Variants in HRH2 observed in about 807,000 individuals in gnomAD.
HRH2 encodes the protein histamine receptor H2.
In HRH2, 4 loss-of-function variants were observed where a neutral mutation model predicts 20.1. The ratio of observed to expected loss-of-function variants is 0.20; its 90% CI spans 0.10 to 0.45. HRH2 has a LOEUF of 0.45. Ranked by LOEUF, HRH2 falls within the 20% of genes least tolerant of loss-of-function variation. HRH2 has a pLI of 0.99. For missense variants in HRH2, 250 were observed against 461.6 expected (o/e 0.54, Z 4.20); for synonymous variants, 197 against 200.7 (o/e 0.98, Z 0.16).
chr5:175,692,809 G>A (rs1435044234), intron 2 of HRH2, among the ~76,000 whole-genome samples: 1 of 152,204 alleles, frequency 6.6e-6, no homozygotes, highest in Non-Finnish European at 1.5e-5. Context: ...ACAACGGAGA[G>A]AGCGTGCCAA....
In HRH2 at chr5:175,677,638, T is replaced by A. The variant is rs1422814509; in HGVS notation, c.-525-5071T>A. 6.6e-6 allele frequency among the ~76,000 whole-genome samples: 1 copy of A among 152,210 alleles called. No homozygotes were observed. The highest frequency in any genetic ancestry group is 2.4e-5 in the African/African-American group (1 of 41,458). ...CTCCCAGCCCATTTTGGGCTGCTCC[T>A]TGGGTGCTGATGCTGGGGCCACTTC... On this transcript the variant is annotated intron_variant, in intron 1 of 2. Coordinates refer to ENST00000636584, the MANE Select transcript of HRH2 (RefSeq NM_001367711.1). This position sits in a 1 kb window ranked among gnomAD's most constrained non-coding sequence, Gnocchi z 4.2.
At chr5:175,692,316 T>C (rs973018531) in intron 2 of HRH2, among the ~76,000 whole-genome samples, 1 of 152,196 alleles carries the variant, frequency 6.6e-6, no homozygotes, top group South Asian at 2.1e-4. Context: ...GGTCACGAAA[T>C]GTTATTCTAT....
chr5:175,684,007 G>A lies in HRH2; in HGVS notation c.774G>A (p.Gly258=), dbSNP rs570808543. ...FPYFTAFVYR[G]LRGDDAINEV... ...ACTTCACCGCGTTTGTGTACCGTGGGCTGAGAGGGGATGATGCCATCAATG... is the reference window on the plus strand; with the variant it reads ...ACTTCACCGCGTTTGTGTACCGTGGACTGAGAGGGGATGATGCCATCAATG... The change falls in exon 2 of 3, where the codon GGG becomes GGA. Residue 258 remains glycine (G), a synonymous_variant. Transcript: ENST00000636584. 1 of 1,614,168 alleles carries A rather than the reference G, an allele frequency of 6.2e-7. No individual in the cohort carries two copies. The highest frequency in any genetic ancestry group is 1.1e-5 in the South Asian group (1 of 91,082).
intron 1 of HRH2, among the ~76,000 whole-genome samples, chr5:175,659,077 G>A (rs1762657168): frequency 6.6e-6 from 1 of 152,136 alleles, no homozygotes; most frequent in Admixed American, 6.5e-5. Flanking sequence ...TGCCAGAGAG[G>A]GTCAATCGGT....
intron 1 of HRH2, among the ~76,000 whole-genome samples, chr5:175,675,639 A>AAGCATCAACCCTCACCCAACCCT (rs1755730070): frequency 6.6e-6 from 1 of 152,164 alleles, no homozygotes. Context: ...TGAGTGGACC[A>AAGCATCAACCCTCACCCAACCCT]AGCATCAACC....
At chr5:175,679,408 G>T (rs1236031270) in intron 1 of HRH2, among the ~76,000 whole-genome samples, 1 of 152,242 alleles carries the variant, frequency 6.6e-6, no homozygotes, top group Non-Finnish European at 1.5e-5. Flanking sequence ...ACTTCCTGGA[G>T]GAGGTGACAG....
rs1561725976 is a variant in HRH2, at chr5:175,677,400, G to A, written c.-525-5309G>A. ...AGCTCAGGTATCTTTTCGATGTATC[G>A]GTCAGCATTTCTTAAATGAAGCTGT... On this transcript the variant is annotated intron_variant, in intron 1 of 2. Transcript: ENST00000636584. The surrounding 1 kb of genome is among the most constrained non-coding windows in gnomAD (Gnocchi z 4.2). 6.6e-6 allele frequency among the ~76,000 whole-genome samples: 1 copy of A among 152,122 alleles called. No homozygotes were observed. Among genetic ancestry groups the A allele is most frequent in the Non-Finnish European group, 1.5e-5 (1 of 68,028 alleles).
At chr5:175,664,976 G>A (rs1350421243) in intron 1 of HRH2, among the ~76,000 whole-genome samples, 1 of 152,224 alleles carries the variant, frequency 6.6e-6, no homozygotes, top group South Asian at 2.1e-4. Flanking sequence ...GAGGCGATCC[G>A]GTTTGCATTT....
At position 175,683,348 on chromosome 5, in the gene HRH2, G is replaced by A. The variant is rs568716866; in HGVS notation, c.115G>A (p.Val39Ile). ...ILITVAGNVV[V>I]CLAVGLNRRL... is the part of the protein sequence containing the mutation. ...CATCACCGTTGCTGGCAATGTGGTC[G>A]TCTGTCTGGCCGTGGGCTTGAACCG... Residue 39 changes from valine to isoleucine, a missense_variant, in exon 2 of 3, where the codon GTC becomes ATC. Coordinates refer to ENST00000636584, the MANE Select transcript of HRH2 (RefSeq NM_001367711.1). 3.1e-6 allele frequency: 5 copies of A among 1,614,134 alleles called. No individual in the cohort carries two copies. The highest frequency in any genetic ancestry group is 2.2e-5 in the East Asian group (1 of 44,864).
At position 175,693,584 on chromosome 5, in the gene HRH2, G is replaced by A. The variant is rs181110159; in HGVS notation, c.1076+9275G>A. Among the ~76,000 whole-genome samples, 75 of 152,304 alleles carry A rather than the reference G, an allele frequency of 4.9e-4. No individual in the cohort carries two copies. Among genetic ancestry groups the A allele is most frequent in the Admixed American group, 2.4e-3 (37 of 15,308 alleles). ...GTCCCCAGTGCCCAGAGGATTCAAG[G>A]AACTTCTCCTTCTCATGCTGAATCT... On this transcript the variant is annotated intron_variant, in intron 2 of 2. Transcript: ENST00000636584. This position sits in a 1 kb window ranked among gnomAD's most constrained non-coding sequence, Gnocchi z 4.4.
At position 175,664,104 on chromosome 5, in the gene HRH2, G is replaced by A. The variant is rs1340416177; in HGVS notation, c.-526+5949G>A. ...GCCAGCCCCATGGGGACAGTCTGCA[G>A]GAGCGTGTGGCAGCTTTGACCTGCC... On this transcript the variant is annotated intron_variant, in intron 1 of 2. Transcript: ENST00000636584. Among the ~76,000 whole-genome samples the A allele has an allele frequency of 5.9e-5, 9 of 152,192 alleles. No individual in the cohort carries two copies. The East Asian group carries it at 1.7e-3, about 29-fold the overall frequency.
intron 1 of HRH2, among the ~76,000 whole-genome samples, chr5:175,662,607 GC>G (rs968115102): frequency 1.2e-4 from 19 of 152,082 alleles, no homozygotes; most frequent in African/African-American, 4.6e-4. Context: ...CTTCCCCTCT[GC>G]CCCCACCCCT....
chr5:175,691,884 G>GAA (rs549021495), intron 2 of HRH2, among the ~76,000 whole-genome samples: 1 of 146,774 alleles, frequency 6.8e-6, no homozygotes, highest in Non-Finnish European at 1.5e-5. Flanking sequence ...AGAAAAAAGA[G>GAA]AAAAAAAAAA....
At chr5:175,692,510 G>C (rs978023246) in intron 2 of HRH2, among the ~76,000 whole-genome samples, 2 of 152,318 alleles carry the variant, frequency 1.3e-5, no homozygotes, top group East Asian at 1.9e-4. Context: ...GGATAAAAAT[G>C]CCTCCCTGAG....
intron 2 of HRH2, among the ~76,000 whole-genome samples, chr5:175,689,724 G>A (rs904714518): frequency 3.3e-5 from 5 of 152,198 alleles, no homozygotes; most frequent in Admixed American, 6.5e-5. Flanking sequence ...ATAGAACCTC[G>A]GGGTGGGAAC....
intron 2 of HRH2, among the ~76,000 whole-genome samples, chr5:175,705,349 C>G (rs1272003355): frequency 6.6e-6 from 1 of 152,118 alleles, no homozygotes; most frequent in Admixed American, 6.5e-5. Flanking sequence ...CACTCAAATA[C>G]CTATACACCG....
At chr5:175,659,660 G>A (rs576383363) in intron 1 of HRH2, among the ~76,000 whole-genome samples, 106 of 152,248 alleles carry the variant, frequency 7.0e-4, no homozygotes, top group African/African-American at 2.5e-3. Flanking sequence ...AGGTCTGCCC[G>A]CCTCCAGGGT....
chr5:175,695,448 G>A (rs1176439849), intron 2 of HRH2, among the ~76,000 whole-genome samples: 1 of 152,198 alleles, frequency 6.6e-6, no homozygotes, highest in Non-Finnish European at 1.5e-5. Context: ...GTAGGTAGGA[G>A]AAAACCCTTC....
intron 2 of HRH2, among the ~76,000 whole-genome samples, chr5:175,697,311 A>C (rs1279212726): frequency 6.6e-6 from 1 of 151,574 alleles, no homozygotes; most frequent in Non-Finnish European, 1.5e-5. Context: ...AAAATACAAA[A>C]AATTAGCCGG....
Sources: allele counts gnomAD v4.1 joint callset (sites outside exome capture counted in the v4.1 genomes callset), GRCh38; gene constraint gnomAD v4.1.1; non-coding constraint Gnocchi (gnomAD v3.1); transcripts MANE v1.5; gene names NCBI Gene and HGNC (gene_info 2026-07-23, HGNC 2026-07-21).